Variants in INSC observed in about 807,000 individuals in gnomAD.
INSC encodes the protein INSC spindle orientation adaptor protein.
Under a neutral mutation model 58.6 loss-of-function variants are expected in INSC, and 67 were observed. The observed-to-expected ratio is 1.14, with a 90% CI of 0.94 to 1.40. The LOEUF is 1.40. INSC is among the 40% of genes most tolerant of loss of function. The pLI, the probability that INSC is intolerant of heterozygous loss-of-function variation, is 0.00. For synonymous variants in INSC, 262 were observed against 276.1 expected (o/e 0.95, Z 0.51); for missense variants, 714 against 692.0 (o/e 1.03, Z -0.36).
intron 1 of INSC, among the ~76,000 whole-genome samples, chr11:15,119,906 G>C (rs1564855656): frequency 6.6e-6 from 1 of 152,348 alleles, no homozygotes; most frequent in East Asian, 1.9e-4. Context: ...AAGTTTATTT[G>C]AAATTCAGTG....
intron 5 of INSC, among the ~76,000 whole-genome samples, chr11:15,190,430 A>G (rs1220716021): frequency 3.3e-5 from 5 of 152,124 alleles, no homozygotes; most frequent in Non-Finnish European, 7.4e-5. Flanking sequence ...TTGGGAGCTG[A>G]TTTTCTGAGG....
At position 15,225,730 on chromosome 11, in the gene INSC, A is replaced by G. The variant is rs1379599093; in HGVS notation, c.1072A>G (p.Met358Val). ...ALANITFFDTMACEMLLQLNA... is the reference protein window; with the variant it reads ...ALANITFFDTVACEMLLQLNA... Reference sequence around the variant, plus strand: ...TGCCAACATCACGTTCTTTGACACAATGGCCTGCGAGATGCTCCTGCAGTT... The same window carrying G: ...TGCCAACATCACGTTCTTTGACACAGTGGCCTGCGAGATGCTCCTGCAGTT... Residue 358 changes from methionine (M) to valine (V), a missense_variant, in exon 9 of 13, where the codon ATG becomes GTG. By Grantham distance (21) the Met-to-Val change is conservative. Coordinates refer to ENST00000379556, the MANE Select transcript of INSC (RefSeq NM_001042536.3). 1 of 1,614,114 alleles carries G rather than the reference A, an allele frequency of 6.2e-7. No homozygotes were observed. Among genetic ancestry groups the G allele is most frequent in the Non-Finnish European group, 8.5e-7 (1 of 1,179,998 alleles).
intron 9 of INSC, among the ~76,000 whole-genome samples, chr11:15,230,014 A>ATATTATATATATATTATATATATATAT (rs1554926992): frequency 1.9e-3 from 18 of 9,282 alleles, no homozygotes; most frequent in African/African-American, 4.8e-3. Context: ...TATATATATA[A>ATATTATATATATATTATATATATATAT]TATATATATA....
chr11:15,245,552 G>C (rs1178488396), intron 12 of INSC, among the ~76,000 whole-genome samples: 1 of 151,874 alleles, frequency 6.6e-6, no homozygotes, highest in Non-Finnish European at 1.5e-5. Context: ...TTTTTCCATA[G>C]TGCTTTCTAT....
At chr11:15,253,873 A>G in the INSC span, among the ~76,000 whole-genome samples, 3 of 152,260 alleles carry the variant, frequency 2.0e-5, no homozygotes, top group Middle Eastern at 3.4e-3. Flanking sequence ...TTTGGAGTGT[A>G]GACTGGGAAC....
In INSC at chr11:15,228,064, TTAAA is replaced by T. The variant is rs535325680; in HGVS notation, c.1170+2238_1170+2241del. On this transcript the variant is annotated intron_variant, in intron 9 of 12. Transcript: ENST00000379556. ...ATATTTTACAAAGTTGAAATAAGAATTAAATTAATTAATAAATAAATATAAACTC... is the reference window on the plus strand; with the variant it reads ...ATATTTTACAAAGTTGAAATAAGAATTTAATTAATAAATAAATATAAACTC... Among the ~76,000 whole-genome samples, 24 of 152,314 alleles carry T rather than the reference TTAAA, an allele frequency of 1.6e-4. 1 individual carries two copies. In the South Asian group the frequency reaches 5.0e-3, roughly 32 times the overall value.
At position 15,133,416 on chromosome 11, in the gene INSC, T is replaced by C. The variant is rs140723920; in HGVS notation, c.-45-15714T>C. Among the ~76,000 whole-genome samples, 474 of 152,358 alleles carry C rather than the reference T, an allele frequency of 3.1e-3. 9 individuals are homozygous for C. The highest frequency in any genetic ancestry group is 0.031 in the East Asian group (161 of 5,192). On this transcript the variant is annotated intron_variant, in intron 1 of 12. Coordinates refer to ENST00000379556, the MANE Select transcript of INSC (RefSeq NM_001042536.3). ...AATGTTTCCATGACTCTCTTTTATT[T>C]CTTTAAATTCTCTAATCAAGTCCCC... is the stretch of plus-strand genomic sequence containing the variant.
At chr11:15,195,766 C>T (rs1483257626) in intron 6 of INSC, among the ~76,000 whole-genome samples, 1 of 152,184 alleles carries the variant, frequency 6.6e-6, no homozygotes, top group African/African-American at 2.4e-5. Flanking sequence ...CAGCTCTCAT[C>T]CCAGCTCTGC....
chr11:15,229,451 A>C (rs959104368), intron 9 of INSC, among the ~76,000 whole-genome samples: 10 of 152,168 alleles, frequency 6.6e-5, no homozygotes, highest in African/African-American at 2.2e-4. Context: ...TTTAGTTCAG[A>C]CAGATTTGAG....
chr11:15,238,504 G>A (rs181082634), intron 10 of INSC, among the ~76,000 whole-genome samples: 11 of 152,122 alleles, frequency 7.2e-5, no homozygotes, highest in Middle Eastern at 3.4e-3. Context: ...TTTTAATAGC[G>A]GCTCCCCCAA....
intron 1 of INSC, among the ~76,000 whole-genome samples, chr11:15,130,906 C>A (rs1848110429): frequency 6.6e-6 from 1 of 151,956 alleles, no homozygotes; most frequent in African/African-American, 2.4e-5. Context: ...TTTGTTTCCT[C>A]TTTTTTCTGA....
At chr11:15,171,140 C>G (rs1276290777) in intron 2 of INSC, among the ~76,000 whole-genome samples, 1 of 152,126 alleles carries the variant, frequency 6.6e-6, no homozygotes, top group Non-Finnish European at 1.5e-5. Flanking sequence ...CTACCTCTAC[C>G]ATGGCTGTGG....
At chr11:15,198,988 A>T (rs925812959) in intron 6 of INSC, among the ~76,000 whole-genome samples, 1 of 151,342 alleles carries the variant, frequency 6.6e-6, no homozygotes, top group African/African-American at 2.4e-5. Context: ...CCCTTCTACA[A>T]CCCCCCACCC....
intron 5 of INSC, among the ~76,000 whole-genome samples, chr11:15,185,522 AT>A (rs1007808797): frequency 5.3e-5 from 8 of 150,418 alleles, no homozygotes; most frequent in South Asian, 4.2e-4. Flanking sequence ...CCAAGAAAAG[AT>A]TTTTTTTTTA....
chr11:15,200,831 G>A lies in INSC; in HGVS notation c.701G>A (p.Gly234Glu), dbSNP rs752076513. The change falls in exon 7 of 13, where the codon GGG (glycine) becomes GAG (glutamate). Residue 234 changes from glycine to glutamate, a missense_variant. Physicochemically the swap from Gly to Glu is moderately conservative, Grantham distance 98. Coordinates refer to ENST00000379556, the MANE Select transcript of INSC (RefSeq NM_001042536.3). Reference sequence around the variant, plus strand: ...ATTTCTTTCTCTTGGCAGGAGGGTGGGGTCGTAGCACTCTTCAAGGTTTGC... The same window carrying A: ...ATTTCTTTCTCTTGGCAGGAGGGTGAGGTCGTAGCACTCTTCAAGGTTTGC... Reference protein sequence around the residue: ...PLCRIIAKEGGVVALFKVCRQ... With the variant: ...PLCRIIAKEGEVVALFKVCRQ... The A allele has an allele frequency of 1.2e-6, 2 of 1,613,976 alleles. No individual in the cohort carries two copies. Among genetic ancestry groups the A allele is most frequent in the Admixed American group, 3.3e-5 (2 of 60,012 alleles).
At chr11:15,256,830 T>C in the INSC span, among the ~76,000 whole-genome samples, 1 of 151,984 alleles carries the variant, frequency 6.6e-6, no homozygotes, top group Admixed American at 6.6e-5. Context: ...CAAAAGACAA[T>C]GGGCTTGGTC....
At chr11:15,261,871 G>A in the INSC span, among the ~76,000 whole-genome samples, 38 of 150,756 alleles carry the variant, frequency 2.5e-4, no homozygotes, top group East Asian at 7.1e-3. Flanking sequence ...GTGCAGGTGT[G>A]AGAATCAGGC....
chr11:15,216,715 G>C (rs1851232968), intron 7 of INSC, among the ~76,000 whole-genome samples: 1 of 152,198 alleles, frequency 6.6e-6, no homozygotes, highest in Non-Finnish European at 1.5e-5. Flanking sequence ...GTTAAACTTT[G>C]GGCCCCAGTG....
At chr11:15,186,284 G>A (rs1324477557) in intron 5 of INSC, among the ~76,000 whole-genome samples, 2 of 150,336 alleles carry the variant, frequency 1.3e-5, no homozygotes, top group Non-Finnish European at 3.0e-5. Context: ...TGCCCCCAAT[G>A]TTCTCTTTCC....
Sources: gnomAD v4.1 joint callset for allele counts (sites outside exome capture counted in the v4.1 genomes callset) on GRCh38, gnomAD v4.1.1 for gene constraint, MANE v1.5 for transcripts, NCBI Gene and HGNC (gene_info 2026-07-23, HGNC 2026-07-21) for gene names.